The following TSPAN33 variants were observed in gnomAD, a reference collection of about 807,000 sequenced individuals.
The protein encoded by TSPAN33 is tetraspanin-33.
In TSPAN33, 27 loss-of-function variants were observed where a neutral mutation model predicts 34.8. That is an observed-to-expected ratio of 0.78 (90% CI 0.57 to 1.07). TSPAN33 has a LOEUF of 1.07. Among genes scored for constraint, TSPAN33 ranks in the 50% least tolerant of loss-of-function variants. TSPAN33 has a pLI of 0.00. For synonymous variants in TSPAN33, 119 were observed against 124.2 expected, an observed-to-expected ratio of 0.96 and a Z score of 0.28; for missense variants, 272 against 324.9, an observed-to-expected ratio of 0.84 and a Z score of 1.25.
chr7:129,163,957 G>T (rs1793096157), intron 4 of TSPAN33, among the ~76,000 whole-genome samples: 1 of 152,082 alleles, frequency 6.6e-6, no homozygotes, highest in Non-Finnish European at 1.5e-5. Context: ...AAGAGAAAGG[G>T]AGAGGGGAGG....
Position 129,148,745 on chromosome 7 carries a change from C to T in TSPAN33, c.102+3663C>T, listed in dbSNP as rs1009044010. On this transcript the variant is annotated intron_variant, in intron 1 of 7. Transcript: ENST00000486685. The surrounding 1 kb of genome is among the most constrained non-coding windows in gnomAD (Gnocchi z 4.2). ...TACAGCATCTGGATTTTCTCACTTC[C>T]ACTGCCACATATATGCACCCTTGTC... Among the ~76,000 whole-genome samples, 5 of 152,206 alleles carry T rather than the reference C, an allele frequency of 3.3e-5. No individual in the cohort carries two copies. Among genetic ancestry groups the T allele is most frequent in the African/African-American group, 1.2e-4 (5 of 41,458 alleles).
chr7:129,157,713 G>A (rs926250036), intron 1 of TSPAN33, among the ~76,000 whole-genome samples: 23 of 152,132 alleles, frequency 1.5e-4, no homozygotes, highest in African/African-American at 5.3e-4. Flanking sequence ...AGTCCCAGGC[G>A]ATTCTAATGG....
Position 129,167,650 on chromosome 7 carries a change from C to G in TSPAN33, c.750+90C>G. The G allele has an allele frequency of 6.4e-7, 1 of 1,562,526 alleles. No homozygotes were observed. The highest frequency in any genetic ancestry group is 1.3e-5 in the African/African-American group (1 of 74,152). ...GGCACCTGGGGATCAGCGAGGGTGT[C>G]AGGCACTGACATGGCTGAGGGGTAG... On this transcript the variant is annotated intron_variant, in intron 7 of 7. Transcript: ENST00000486685. The surrounding 1 kb of genome is among the most constrained non-coding windows in gnomAD (Gnocchi z 4.6).
Position 129,168,646 on chromosome 7 carries a change from T to A in TSPAN33, c.*772T>A, listed in dbSNP as rs1793180659. ...TGAGCCATACATGCCCTTGAATTCC[T>A]CCCTGTCTGGCCCTCCCTCTCCAGC... On this transcript the variant is annotated 3_prime_UTR_variant, in exon 8 of 8. Coordinates refer to ENST00000486685, the MANE Select transcript of TSPAN33 (RefSeq NM_178562.5). 6.5e-6 allele frequency: 1 copy of A among 152,830 alleles called. No homozygotes were observed. The allele number at this position is 152,830 out of a possible 1,614,324, so 9.5% of individuals were successfully genotyped here.
chr7:129,162,284 T>G, intron 2 of TSPAN33, 110 bp from the exon 3 acceptor site: 12 of 1,517,806 alleles, frequency 7.9e-6, no homozygotes, highest in African/African-American at 2.7e-5. Flanking sequence ...CCAACCATAA[T>G]GGAGATTCCC....
rs1810556149 is a variant in TSPAN33 at position 129,148,992 on chromosome 7, C to G, written c.102+3910C>G. On this transcript the variant is annotated intron_variant, in intron 1 of 7. Coordinates refer to ENST00000486685, the MANE Select transcript of TSPAN33 (RefSeq NM_178562.5). The surrounding 1 kb of genome is among the most constrained non-coding windows in gnomAD (Gnocchi z 4.2). ...AGTGGCAGGGGCCCTTTCTGCCATC[C>G]AACCCCCTCATCCTATACTTCCAAA... 6.6e-6 allele frequency among the ~76,000 whole-genome samples: 1 copy of G among 152,140 alleles called. No homozygotes were observed. Among genetic ancestry groups the G allele is most frequent in the African/African-American group, 2.4e-5 (1 of 41,420 alleles).
chr7:129,166,108 T>G (rs1403319357), intron 5 of TSPAN33, among the ~76,000 whole-genome samples: 1 of 151,832 alleles, frequency 6.6e-6, no homozygotes, highest in African/African-American at 2.4e-5. Flanking sequence ...CCCAGCTAAT[T>G]CTTGTATTTT....
At chr7:129,162,056 A>G (rs745668530) in intron 2 of TSPAN33, among the ~76,000 whole-genome samples, 11 of 152,228 alleles carry the variant, frequency 7.2e-5, no homozygotes, top group Non-Finnish European at 1.6e-4. Context: ...CCCAACCACC[A>G]TTCCTATTTC....
rs1793107945 is a variant in TSPAN33, at chr7:129,164,543, A to G, written c.433A>G (p.Asn145Asp). Residue 145 changes from asparagine to aspartate, a missense_variant, in exon 5 of 8, where the codon AAC becomes GAC. Coordinates refer to ENST00000486685, the MANE Select transcript of TSPAN33 (RefSeq NM_178562.5). ...VHYRDDLDLQ[N>D]LIDFGQKKFS... ...CTACCGAGATGACTTGGATCTGCAG[A>G]ACCTCATTGATTTTGGCCAGAAAAA... 3.7e-6 allele frequency: 6 copies of G among 1,613,990 alleles called. No individual in the cohort carries two copies. The East Asian group carries it at 1.3e-4, about 36-fold the overall frequency.
chr7:129,164,515 G>A lies in TSPAN33; in HGVS notation c.405G>A (p.Val135=), dbSNP rs1387403340. 6.8e-6 allele frequency: 11 copies of A among 1,613,950 alleles called. No individual in the cohort carries two copies. Among genetic ancestry groups the A allele is most frequent in the African/African-American group, 1.3e-5 (1 of 74,908 alleles). Residue 135 remains valine, a synonymous_variant, in exon 5 of 8, where the codon GTG becomes GTA. Transcript: ENST00000486685. ...KVSEIINNAI[V]HYRDDLDLQN... ...GTGAGATCATCAACAATGCCATTGTGCACTACCGAGATGACTTGGATCTGC... is the reference window on the plus strand; with the variant it reads ...GTGAGATCATCAACAATGCCATTGTACACTACCGAGATGACTTGGATCTGC...
intron 4 of TSPAN33, among the ~76,000 whole-genome samples, 191 bp from the exon 5 acceptor site, chr7:129,164,283 G>A (rs1443235871): frequency 6.6e-6 from 1 of 152,170 alleles, no homozygotes; most frequent in Non-Finnish European, 1.5e-5. Flanking sequence ...CATTTCTCCT[G>A]CCCACTGGTA....
intron 1 of TSPAN33, among the ~76,000 whole-genome samples, chr7:129,157,311 A>ACAG (rs1263907577): frequency 6.6e-6 from 1 of 152,078 alleles, no homozygotes; most frequent in Non-Finnish European, 1.5e-5. Flanking sequence ...GATGCTATGA[A>ACAG]CAGCAGCAGC....
intron 1 of TSPAN33, among the ~76,000 whole-genome samples, chr7:129,147,170 G>A (rs1810532658): frequency 6.6e-6 from 1 of 152,082 alleles, no homozygotes. Flanking sequence ...AAAATCAGAG[G>A]CTCTAGAAAT....
In TSPAN33 at chr7:129,167,817, A is replaced by C. The variant is rs748065568; in HGVS notation, c.795A>C (p.Lys265Asn). Reference protein sequence around the residue: ...LLSQILVNQIKDQIKLQLYNQ... With the variant: ...LLSQILVNQINDQIKLQLYNQ... ...CCCAGATCCTAGTGAATCAGATCAA[A>C]GATCAGATCAAGCTACAGCTCTACA... The change falls in exon 8 of 8, where the codon AAA becomes AAC. Residue 265 changes from lysine (K) to asparagine (N), a missense_variant. Coordinates refer to ENST00000486685, the MANE Select transcript of TSPAN33 (RefSeq NM_178562.5). This position sits in a 1 kb window ranked among gnomAD's most constrained non-coding sequence, Gnocchi z 4.6. The C allele has an allele frequency of 8.7e-6, 14 of 1,614,084 alleles. No homozygotes were observed. The highest frequency in any genetic ancestry group is 3.3e-5 in the Admixed American group (2 of 60,006).
chr7:129,166,224 G>A (rs1007114180), intron 5 of TSPAN33, among the ~76,000 whole-genome samples: 3 of 152,116 alleles, frequency 2.0e-5, no homozygotes, highest in Admixed American at 2.0e-4. Context: ...ACCGGTGTGA[G>A]CCACAGCACC....
Position 129,167,859 on chromosome 7 carries a change from T to C in TSPAN33, c.837T>C (p.Ala279=). 1 of 1,614,066 alleles carries C rather than the reference T, an allele frequency of 6.2e-7. No homozygotes were observed. The highest frequency in any genetic ancestry group is 1.1e-5 in the South Asian group (1 of 91,046). Residue 279 remains alanine (A), a synonymous_variant, in exon 8 of 8, where the codon GCT becomes GCC. Coordinates refer to ENST00000486685, the MANE Select transcript of TSPAN33 (RefSeq NM_178562.5). This position sits in a 1 kb window ranked among gnomAD's most constrained non-coding sequence, Gnocchi z 4.6. ...KLQLYNQQHR[A]DPWY ...AGCTCTACAACCAGCAGCACCGGGC[T>C]GACCCATGGTACTGAGAATCCATCC...
Position 129,162,468 on chromosome 7 carries a change from AC to A in TSPAN33, c.237del (p.Phe80SerfsTer47). On this transcript the variant is annotated frameshift_variant, in exon 3 of 8. Coordinates refer to ENST00000486685, the MANE Select transcript of TSPAN33 (RefSeq NM_178562.5). LOFTEE classifies it high-confidence loss of function. ...IVVGVLMFLL[T>X]FCGCIGSLRE... Reference sequence around the variant, plus strand: ...GGTGGGTGTCCTCATGTTCCTGCTCACCTTCTGTGGCTGCATTGGGTCCCTC... The same window carrying A: ...GGTGGGTGTCCTCATGTTCCTGCTCACTTCTGTGGCTGCATTGGGTCCCTC... 1 of 1,613,782 alleles carries A rather than the reference AC, an allele frequency of 6.2e-7. No homozygotes were observed. Among genetic ancestry groups the A allele is most frequent in the Non-Finnish European group, 8.5e-7 (1 of 1,179,984 alleles).
rs1793170542 is a variant in TSPAN33 at position 129,167,991 on chromosome 7, A to G, written c.*117A>G. 2.0e-6 allele frequency: 3 copies of G among 1,482,422 alleles called. No individual in the cohort carries two copies. Among genetic ancestry groups the G allele is most frequent in the Non-Finnish European group, 2.7e-6 (3 of 1,119,642 alleles). The allele number at this position is 1,482,422 out of a possible 1,614,324, so 91.8% of individuals were successfully genotyped here. On this transcript the variant is annotated 3_prime_UTR_variant, in exon 8 of 8. Transcript: ENST00000486685. This position sits in a 1 kb window ranked among gnomAD's most constrained non-coding sequence, Gnocchi z 4.6. ...GATTCCAGCCCCCCAGTGACAGCCC[A>G]GTGGGAAGAAGCAAACTCCAGATGG... is the stretch of plus-strand genomic sequence containing the variant.
chr7:129,163,333 C>CTTTTTTTTTTTTTTTTTTTTTTTTTTTTT (rs57365994), intron 4 of TSPAN33, among the ~76,000 whole-genome samples: 1 of 124,872 alleles, frequency 8.0e-6, no homozygotes, highest in Non-Finnish European at 1.6e-5. Context: ...TTCTTTCTTT[C>CTTTTTTTTTTTTTTTTTTTTTTTTTTTTT]TTTTTTTTTT....
Sources: gnomAD v4.1 joint callset for allele counts (sites outside exome capture counted in the v4.1 genomes callset) on GRCh38, gnomAD v4.1.1 for gene constraint, Gnocchi (gnomAD v3.1) non-coding constraint, MANE v1.5 for transcripts, NCBI Gene and HGNC (gene_info 2026-07-23, HGNC 2026-07-21) for gene names.